FLT3: variants seen among roughly 807,000 people sequenced by gnomAD.
The protein encoded by FLT3 is fms related receptor tyrosine kinase 3, also known as receptor-type tyrosine-protein kinase FLT3.
A neutral mutation model predicts 126.6 loss-of-function variants in FLT3; 46 were observed. The observed-to-expected ratio is 0.36, with a 90% CI of 0.29 to 0.46. The LOEUF is 0.46. Among genes scored for constraint, FLT3 ranks in the 20% least tolerant of loss-of-function variants. The pLI is 1.00. For synonymous variants in FLT3, 404 were observed against 434.4 expected, an observed-to-expected ratio of 0.93 and a Z score of 0.87; for missense variants, 1,069 against 1,190.3, an observed-to-expected ratio of 0.90 and a Z score of 1.50.
At chr13:28,024,974 A>C in intron 17 of FLT3, 31 bp from the exon 18 acceptor site, 1 of 1,191,460 alleles carries the variant, frequency 8.4e-7, no homozygotes, top group East Asian at 2.3e-5. Flanking sequence ...TTCATTATTT[A>C]CATTATTCTT....
Position 28,061,986 on chromosome 13 carries a change from C to T in FLT3, c.249G>A (p.Val83=), listed in dbSNP as rs1876609022. Residue 83 remains valine, a synonymous_variant, in exon 3 of 24, where the codon GTG becomes GTA. Transcript: ENST00000241453. ...GCAGTGTGATGGAAGCAGATACATC[C>T]ACTTCCACAGCGGCAGCTTCGTACA... ...GTVYEAAAVE[V]DVSASITLQV... 6.2e-7 allele frequency: 1 copy of T among 1,613,010 alleles called. No individual in the cohort carries two copies. Among genetic ancestry groups the T allele is most frequent in the South Asian group, 1.1e-5 (1 of 91,034 alleles).
At chr13:28,036,807 C>T (rs1207157060) in intron 10 of FLT3, among the ~76,000 whole-genome samples, 1 of 152,112 alleles carries the variant, frequency 6.6e-6, no homozygotes, top group Non-Finnish European at 1.5e-5. Flanking sequence ...GGGAGGCCCC[C>T]TCTCTACAAA....
At position 28,013,329 on chromosome 13, in the gene FLT3, C is replaced by A. The variant is rs1486324528; in HGVS notation, c.2859+1123G>T. Among the ~76,000 whole-genome samples the A allele has an allele frequency of 2.0e-5, 3 of 152,264 alleles. No individual in the cohort carries two copies. The East Asian group carries it at 5.8e-4, about 29-fold the overall frequency. On this transcript the variant is annotated intron_variant, in intron 23 of 23. Coordinates refer to ENST00000241453, the MANE Select transcript of FLT3 (RefSeq NM_004119.3). ...TTTTATGGAGTAAATACCAAGTGCCCAGTACGTGCTAACTCTTCTCACATA... is the reference window on the plus strand; with the variant it reads ...TTTTATGGAGTAAATACCAAGTGCCAAGTACGTGCTAACTCTTCTCACATA...
At chr13:28,047,525 A>G (rs1191172470) in intron 9 of FLT3, among the ~76,000 whole-genome samples, 1 of 152,102 alleles carries the variant, frequency 6.6e-6, no homozygotes, top group Non-Finnish European at 1.5e-5. Flanking sequence ...AGCCTGCGCA[A>G]CATGGCAAAA....
At chr13:28,014,702 T>A (rs1871686053) in intron 22 of FLT3, 145 bp from the exon 23 acceptor site, 2 of 603,266 alleles carry the variant, frequency 3.3e-6, no homozygotes, top group Admixed American at 2.9e-5. Flanking sequence ...TCTACCAGAT[T>A]TTGAATTCAT....
chr13:28,017,506 G>A (rs60288953), intron 20 of FLT3, among the ~76,000 whole-genome samples: 13,284 of 152,086 alleles, frequency 0.087, 1,537 homozygotes, highest in African/African-American at 0.27. Flanking sequence ...GATTAAAGGC[G>A]TGAGCCACCA....
intron 1 of FLT3, among the ~76,000 whole-genome samples, chr13:28,085,208 G>A (rs1443420081): frequency 1.3e-5 from 2 of 151,486 alleles, no homozygotes; most frequent in African/African-American, 4.8e-5. Context: ...GCTGGGCCTG[G>A]TGGCGCACGC....
chr13:28,014,305 T>A, intron 23 of FLT3, 147 bp downstream of exon 23: 1 of 606,276 alleles, frequency 1.6e-6, no homozygotes, highest in Non-Finnish European at 2.9e-6. Context: ...AATAAAGTCT[T>A]ACCCCACACA....
intron 9 of FLT3, among the ~76,000 whole-genome samples, chr13:28,039,279 G>A (rs752461286): frequency 6.6e-6 from 1 of 152,174 alleles, no homozygotes. Context: ...TCGGCTTATT[G>A]CAACCTCTGC....
At chr13:28,050,447 T>C (rs1875335630) in intron 5 of FLT3, among the ~76,000 whole-genome samples, 1 of 152,068 alleles carries the variant, frequency 6.6e-6, no homozygotes, top group Non-Finnish European at 1.5e-5. Context: ...GAGAATTACA[T>C]AACAAAACAG....
chr13:28,069,299 G>A (rs2892276), intron 2 of FLT3, among the ~76,000 whole-genome samples: 1 of 152,196 alleles, frequency 6.6e-6, no homozygotes, highest in Non-Finnish European at 1.5e-5. Flanking sequence ...AACTCCTAAA[G>A]GGGATCGACA....
In FLT3 at chr13:28,100,455, A is replaced by G. The variant is rs2137844353; in HGVS notation, c.43+13T>C. On this transcript the variant is annotated intron_variant, in intron 1 of 23. Coordinates refer to ENST00000241453, the MANE Select transcript of FLT3 (RefSeq NM_004119.3). This position sits in a 1 kb window ranked among gnomAD's most constrained non-coding sequence, Gnocchi z 4.8. Reference sequence around the variant, plus strand: ...GACCGCGAGGGGCTGCGAGCGAGCGAGCGGGGCCTTACCGAGCAGCGGCAG... The same window carrying G: ...GACCGCGAGGGGCTGCGAGCGAGCGGGCGGGGCCTTACCGAGCAGCGGCAG... 8.2e-7 allele frequency: 1 copy of G among 1,216,004 alleles called. No individual in the cohort carries two copies. Among genetic ancestry groups the G allele is most frequent in the Non-Finnish European group, 1.0e-6 (1 of 977,826 alleles). 75.3% of individuals were successfully genotyped at this position (1,216,004 alleles called of 1,614,324 possible).
Position 28,027,185 on chromosome 13 carries a change from T to G in FLT3, c.2110A>C (p.Arg704=). The G allele has an allele frequency of 5.6e-6, 9 of 1,612,468 alleles. No homozygotes were observed. Among genetic ancestry groups the G allele is most frequent in the Non-Finnish European group, 6.8e-6 (8 of 1,178,438 alleles). The change falls in exon 17 of 24, where the codon AGA becomes CGA. Residue 704 remains arginine, a synonymous_variant. Transcript: ENST00000241453. ...CTGTGAAATTTTTCTCTTTTACTTCTTAGATAGTTGAGAAGATCACCATAG... is the reference window on the plus strand; with the variant it reads ...CTGTGAAATTTTTCTCTTTTACTTCGTAGATAGTTGAGAAGATCACCATAG... The part of the protein sequence containing the change: ...CCYGDLLNYL[R]SKREKFHRTW...
intron 19 of FLT3, 56 bp from the exon 20 acceptor site, chr13:28,018,645 C>T (rs2137624913): frequency 5.0e-6 from 8 of 1,586,828 alleles, no homozygotes; most frequent in Non-Finnish European, 6.9e-6. Flanking sequence ...TCCTGGAGTG[C>T]AATCTTTCTT....
chr13:28,045,962 G>A (rs967327788), intron 9 of FLT3, among the ~76,000 whole-genome samples: 3 of 145,148 alleles, frequency 2.1e-5, no homozygotes, highest in Non-Finnish European at 4.5e-5. Context: ...AAATGCCAGG[G>A]GTTATTTTTC....
chr13:28,008,363 G>T (rs1871099602), intron 23 of FLT3, among the ~76,000 whole-genome samples: 1 of 149,756 alleles, frequency 6.7e-6, no homozygotes, highest in Non-Finnish European at 1.5e-5. Flanking sequence ...TTAGAATTAT[G>T]AATTTGGGTA....
chr13:28,093,114 T>C (rs990396950), intron 1 of FLT3, among the ~76,000 whole-genome samples: 6 of 151,644 alleles, frequency 4.0e-5, no homozygotes, highest in Non-Finnish European at 5.9e-5. Context: ...TTTATAGAAA[T>C]GGGGTTTTGC....
chr13:28,035,398 C>G, intron 12 of FLT3, 97 bp downstream of exon 12: 1 of 1,142,666 alleles, frequency 8.8e-7, no homozygotes, highest in Admixed American at 2.0e-5. Flanking sequence ...TGACCCTATA[C>G]TCTCCTGTAA....
At chr13:28,074,167 T>G (rs972441307) in intron 1 of FLT3, among the ~76,000 whole-genome samples, 4 of 152,144 alleles carry the variant, frequency 2.6e-5, no homozygotes, top group Non-Finnish European at 5.9e-5. Flanking sequence ...TGAACTGTTT[T>G]TTTATAGGGT....
Sources: gnomAD v4.1 joint callset for allele counts (sites outside exome capture counted in the v4.1 genomes callset) on GRCh38, gnomAD v4.1.1 for gene constraint, Gnocchi (gnomAD v3.1) non-coding constraint, MANE v1.5 for transcripts, NCBI Gene and HGNC (gene_info 2026-07-23, HGNC 2026-07-21) for gene names.